The following OC90 variants were observed in gnomAD, a reference collection of about 807,000 sequenced individuals.
OC90 encodes otoconin-90.
OC90 carries 46 observed loss-of-function variants against 47.3 expected under a neutral mutation model. That is an observed-to-expected ratio of 0.97 (90% confidence interval 0.77 to 1.24). The LOEUF is 1.24. Among genes scored for constraint, OC90 ranks in the 50% most tolerant of loss-of-function variants. OC90 has a pLI of 0.00. For synonymous variants in OC90, 271 were observed against 219.5 expected (o/e 1.23, Z -2.07); for missense variants, 688 against 583.9 (o/e 1.18, Z -1.84).
In OC90 at chr8:132,055,085, G is replaced by T; in HGVS notation, c.-47-12C>A. The T allele has an allele frequency of 7.2e-7, 1 of 1,394,202 alleles. No homozygotes were observed. The highest frequency in any genetic ancestry group is 9.9e-7 in the Non-Finnish European group (1 of 1,006,928). 86.4% of individuals were successfully genotyped at this position (1,394,202 alleles called of 1,614,324 possible). A position where few individuals can be genotyped will look rare whatever the true frequency, so the allele number is the denominator to read the frequency against. On this transcript the variant is annotated splice_polypyrimidine_tract_variant and intron_variant, in intron 1 of 13. Transcript: ENST00000254627. ...ACTGGAACGGACTCCTGGGAGAGAA[G>T]CCAGCAGAATAGGATGGAAGCATTT...
At position 132,032,017 on chromosome 8, in the gene OC90, C is replaced by T; in HGVS notation, c.895G>A (p.Gly299Arg). ...DRFTFLHLGS[G>R]DNMQVMPQLG... ...TGTGGCATCACCTGCATGTTGTCCC[C>T]ACTTCCCAGGTGCAGGAAGGTGAAT... The change falls in exon 12 of 14, where the codon GGG (glycine) becomes AGG (arginine). Residue 299 changes from glycine to arginine, a missense_variant. Transcript: ENST00000254627. 1.2e-6 allele frequency: 2 copies of T among 1,614,020 alleles called. No homozygotes were observed. Among genetic ancestry groups the T allele is most frequent in the African/African-American group, 1.3e-5 (1 of 75,062 alleles).
chr8:132,028,702 G>A (rs200325073), intron 13 of OC90, among the ~76,000 whole-genome samples: 948 of 62,674 alleles, frequency 0.015, 19 homozygotes, highest in Middle Eastern at 0.05. Context: ...GAAAGAAAGA[G>A]AGACAGAAAG....
At chr8:132,053,961 G>A (rs1051362127) in intron 2 of OC90, among the ~76,000 whole-genome samples, 1 of 152,210 alleles carries the variant, frequency 6.6e-6, no homozygotes, top group Non-Finnish European at 1.5e-5. Flanking sequence ...GACCCCTGGA[G>A]AGACCTCACC....
Sources: gnomAD v4.1 joint callset for allele counts (sites outside exome capture counted in the v4.1 genomes callset) on GRCh38, gnomAD v4.1.1 for gene constraint, MANE v1.5 for transcripts, NCBI Gene and HGNC (gene_info 2026-07-23, HGNC 2026-07-21) for gene names.